The following IFT172 variants were observed in gnomAD, a reference collection of about 807,000 sequenced individuals.
IFT172 encodes intraflagellar transport protein 172 homolog.
Under a neutral mutation model 248.9 loss-of-function variants are expected in IFT172, and 164 were observed. That is an observed-to-expected ratio of 0.66 (90% CI 0.58 to 0.75). The LOEUF (loss-of-function observed/expected upper bound fraction) is 0.75. Among genes scored for constraint, IFT172 ranks in the 30% least tolerant of loss-of-function variants. The pLI is 0.00. For missense variants in IFT172, 1,950 were observed against 2,192.4 expected (o/e 0.89, Z 2.21); for synonymous variants, 729 against 791.6 (o/e 0.92, Z 1.33).
Position 27,449,673 on chromosome 2 carries a change from A to G in IFT172, c.4160+18T>C, listed in dbSNP as rs199985556. 1.9e-6 allele frequency: 3 copies of G among 1,608,866 alleles called. No homozygotes were observed. The highest frequency in any genetic ancestry group is 2.6e-6 in the Non-Finnish European group (3 of 1,175,730). On this transcript the variant is annotated intron_variant, in intron 37 of 47. Coordinates refer to ENST00000260570, the MANE Select transcript of IFT172 (RefSeq NM_015662.3). ...AAGTAAAAGAGAATTTCGCAGTAAG[A>G]AGGGGTTACAAGCTTACCTGGGATC...
chr2:27,461,326 G>A lies in IFT172; in HGVS notation c.2385C>T (p.Asn795=). ...LVLTREELLA[N]TELVEHITAA... Reference sequence around the variant, plus strand: ...CAGTGATGTGTTCTACCAGCTCTGTGTTGGCTAGCAGTTCCTCTCGGGTCA... The same window carrying A: ...CAGTGATGTGTTCTACCAGCTCTGTATTGGCTAGCAGTTCCTCTCGGGTCA... The change falls in exon 22 of 48, where the codon AAC becomes AAT. Residue 795 remains asparagine, a synonymous_variant. Coordinates refer to ENST00000260570, the MANE Select transcript of IFT172 (RefSeq NM_015662.3). 5 of 1,614,184 alleles carry A rather than the reference G, an allele frequency of 3.1e-6. No individual in the cohort carries two copies. The highest frequency in any genetic ancestry group is 4.2e-6 in the Non-Finnish European group (5 of 1,180,020).
At position 27,457,743 on chromosome 2, in the gene IFT172, C is replaced by G. The variant is rs1267555539; in HGVS notation, c.3124G>C (p.Glu1042Gln). ...TACTCAGCCTCCTGTAGTCGGCCTTCAGCCTCCAGCTCCTGCAGGAAGGTG... is the reference window on the plus strand; with the variant it reads ...TACTCAGCCTCCTGTAGTCGGCCTTGAGCCTCCAGCTCCTGCAGGAAGGTG... ...HLHLGKELEA[E>Q]GRLQEAEYHY... Residue 1042 changes from glutamate (E) to glutamine (Q), a missense_variant, in exon 29 of 48, where the codon GAA (glutamate) becomes CAA (glutamine). Around this residue, in one of 3 missense-constraint regions of IFT172, gnomAD observed 164 missense variants for 239.3 expected, o/e 0.69. Transcript: ENST00000260570. The G allele has an allele frequency of 4.3e-6, 7 of 1,614,146 alleles. No individual in the cohort carries two copies. Among genetic ancestry groups the G allele is most frequent in the Non-Finnish European group, 5.9e-6 (7 of 1,180,032 alleles).
At chr2:27,476,942 C>T (rs956366445) in intron 13 of IFT172, 5 of 588,138 alleles carry the variant, frequency 8.5e-6, no homozygotes, top group African/African-American at 1.9e-5. Context: ...TCCTACCTCA[C>T]CTTCCTGAGT....
rs1187487687 is a variant in IFT172 at position 27,479,587 on chromosome 2, C to T, written c.927G>A (p.Gly309=). Residue 309 remains glycine (G), a synonymous_variant, in exon 10 of 48, where the codon GGG becomes GGA. Coordinates refer to ENST00000260570, the MANE Select transcript of IFT172 (RefSeq NM_015662.3). ...GGAGGCAGCAGTCAAACTGTTCCAC[C>T]CCACCACATAGTGTGCCCTAGAAGG... ...SRLCVGTLCG[G]VEQFDCCLRR... is the part of the protein sequence containing the mutation. 2.5e-6 allele frequency: 4 copies of T among 1,611,540 alleles called. No homozygotes were observed. The highest frequency in any genetic ancestry group is 1.7e-5 in the Admixed American group (1 of 59,994).
chr2:27,485,956 T>C (rs1047526480), intron 1 of IFT172, among the ~76,000 whole-genome samples: 1 of 152,078 alleles, frequency 6.6e-6, no homozygotes, highest in African/African-American at 2.4e-5. Flanking sequence ...TGGTGCAAAA[T>C]AGAAAAGTCC....
chr2:27,445,486 G>A lies in IFT172; in HGVS notation c.4915-37C>T. The A allele has an allele frequency of 6.3e-7, 1 of 1,590,262 alleles. No homozygotes were observed. The highest frequency in any genetic ancestry group is 8.6e-7 in the Non-Finnish European group (1 of 1,166,726). The stretch of plus-strand genomic sequence containing the variant: ...AAGAAGGGAGTGGTAGCTTCACACA[G>A]GGCAGGGCAGGACAAGTTGGGGTGG... On this transcript the variant is annotated intron_variant, in intron 45 of 47. Coordinates refer to ENST00000260570, the MANE Select transcript of IFT172 (RefSeq NM_015662.3). This position sits in a 1 kb window ranked among gnomAD's most constrained non-coding sequence, Gnocchi z 4.4.
Position 27,471,338 on chromosome 2 carries a change from TTCC to T in IFT172, c.1525-246_1525-244del, listed in dbSNP as rs1234265044. 3.5e-5 allele frequency: 13 copies of T among 372,748 alleles called. No homozygotes were observed. In the East Asian group the frequency reaches 6.1e-4, roughly 17 times the overall value. The allele number at this position is 372,748 out of a possible 1,614,324, so 23.1% of individuals were successfully genotyped here. On this transcript the variant is annotated intron_variant, in intron 15 of 47. Coordinates refer to ENST00000260570, the MANE Select transcript of IFT172 (RefSeq NM_015662.3). ...TTTTAAGTTAGGTGAAGGTCAGACT[TTCC>T]TTCTTGAAATAACTCTGGGCCAGAG...
chr2:27,456,098 G>A (rs900533915), intron 30 of IFT172, among the ~76,000 whole-genome samples: 3 of 152,102 alleles, frequency 2.0e-5, no homozygotes, highest in African/African-American at 7.2e-5. Context: ...TGTAGTCCCA[G>A]CTACTCGGGA....
chr2:27,461,172 C>T (rs1192454646), intron 22 of IFT172, 79 bp from the exon 23 acceptor site: 2 of 1,612,952 alleles, frequency 1.2e-6, no homozygotes, highest in African/African-American at 2.7e-5. Flanking sequence ...AAGGGAACAC[C>T]AGCAGTCAGG....
intron 15 of IFT172, 62 bp from the exon 16 acceptor site, chr2:27,471,157 G>T: frequency 1.3e-6 from 2 of 1,544,216 alleles, no homozygotes; most frequent in Non-Finnish European, 8.8e-7. Context: ...TCCTGCTTTT[G>T]ACCATTTTCC....
intron 1 of IFT172, among the ~76,000 whole-genome samples, chr2:27,487,144 C>T (rs566173861): frequency 2.0e-5 from 3 of 152,114 alleles, no homozygotes; most frequent in African/African-American, 4.8e-5. Context: ...ATGGTTTCAC[C>T]GTATTGCCCA....
At chr2:27,455,272 T>G (rs114185854) in intron 30 of IFT172, 4,729 of 348,654 alleles carry the variant, frequency 0.014, 35 homozygotes, top group Non-Finnish European at 0.019. Context: ...GGTTTCTAAT[T>G]GTGATGCTGA....
chr2:27,461,600 C>A (rs1016216993), intron 21 of IFT172, 83 bp from the exon 22 acceptor site: 26 of 1,543,200 alleles, frequency 1.7e-5, no homozygotes, highest in Non-Finnish European at 2.0e-5. Flanking sequence ...CCCTCTATAA[C>A]AAGGGGAATC....
In IFT172 at chr2:27,446,290, T is replaced by G; in HGVS notation, c.4725A>C (p.Lys1575Asn). 1 of 1,614,230 alleles carries G rather than the reference T, an allele frequency of 6.2e-7. No homozygotes were observed. Residue 1575 changes from lysine to asparagine, a missense_variant, in exon 43 of 48, where the codon AAA becomes AAC. Transcript: ENST00000260570. ...CAGCAATGCCTGCTTCATAGAAGGCTTTGTCTACAGGTAGTAGCTGGGTGT... is the reference window on the plus strand; with the variant it reads ...CAGCAATGCCTGCTTCATAGAAGGCGTTGTCTACAGGTAGTAGCTGGGTGT... ...LRHTQLLPVDKAFYEAGIAAK... is the reference protein window; with the variant it reads ...LRHTQLLPVDNAFYEAGIAAK...
rs201921339 is a variant in IFT172 at position 27,463,105 on chromosome 2, G to A, written c.2014C>T (p.Arg672Trp). Residue 672 changes from arginine (R) to tryptophan (W), a missense_variant, in exon 19 of 48, where the codon CGG (arginine) becomes TGG (tryptophan). This residue lies in a region of IFT172 where 1,166 missense variants were observed against 1,254.1 expected (regional missense o/e 0.93). Transcript: ENST00000260570. Reference sequence around the variant, plus strand: ...AGGAGCATAATACTTGCATATTCCCGGGATACTTGATCTGCAATCTCATTG... The same window carrying A: ...AGGAGCATAATACTTGCATATTCCCAGGATACTTGATCTGCAATCTCATTG... Reference protein sequence around the residue: ...ETNEIADQVSREYGGEGTDFY... With the variant: ...ETNEIADQVSWEYGGEGTDFY... 2.2e-5 allele frequency: 35 copies of A among 1,614,062 alleles called. No individual in the cohort carries two copies. The highest frequency in any genetic ancestry group is 1.3e-4 in the African/African-American group (10 of 75,020).
chr2:27,484,850 C>T (rs970920556), intron 3 of IFT172, among the ~76,000 whole-genome samples, 168 bp downstream of exon 3: 1 of 152,188 alleles, frequency 6.6e-6, no homozygotes, highest in South Asian at 2.1e-4. Context: ...GATTGAAGAA[C>T]ACGTGGGACA....
rs761382727 is a variant in IFT172, at chr2:27,477,326, A to G, written c.1222-6T>C. On this transcript the variant is annotated splice_region_variant and splice_polypyrimidine_tract_variant and intron_variant, in intron 12 of 47. Coordinates refer to ENST00000260570, the MANE Select transcript of IFT172 (RefSeq NM_015662.3). ...GCATTGAAGATCATGCATACCTGGG[A>G]AAAATGGAGTTGTTATACGGTGGAA... 1 of 1,610,650 alleles carries G rather than the reference A, an allele frequency of 6.2e-7. No homozygotes were observed. Among genetic ancestry groups the G allele is most frequent in the South Asian group, 1.1e-5 (1 of 91,024 alleles).
intron 11 of IFT172, 54 bp from the exon 12 acceptor site, chr2:27,477,666 C>T (rs1167693527): frequency 1.3e-5 from 16 of 1,209,060 alleles, no homozygotes; most frequent in South Asian, 2.4e-5. Flanking sequence ...AAGATAATGC[C>T]GAAAGAATGA....
chr2:27,455,036 G>T (rs1031508439), intron 30 of IFT172: 54 of 301,182 alleles, frequency 1.8e-4, no homozygotes, highest in African/African-American at 1.1e-3. Context: ...TACATTAGCA[G>T]AAACAGAGTC....
Sources: allele counts gnomAD v4.1 joint callset (sites outside exome capture counted in the v4.1 genomes callset), GRCh38; gene constraint gnomAD v4.1.1; regional missense constraint gnomAD v4.1.1; non-coding constraint Gnocchi (gnomAD v3.1); transcripts MANE v1.5; gene names NCBI Gene and HGNC (gene_info 2026-07-23, HGNC 2026-07-21).